The following AEBP2 variants were observed in gnomAD, a reference collection of about 807,000 sequenced individuals.
AEBP2 encodes the protein AE binding protein 2.
AEBP2 carries 10 observed loss-of-function variants against 50.8 expected under a neutral mutation model. The observed-to-expected ratio is 0.20, with a 90% CI of 0.12 to 0.33. The LOEUF is 0.33. AEBP2 is among the 10% of genes least tolerant of loss of function. The pLI is 1.00. For synonymous variants in AEBP2, 296 were observed against 261.3 expected (o/e 1.13, Z -1.28); for missense variants, 570 against 688.0 (o/e 0.83, Z 1.92).
rs148017035 is a variant in AEBP2 at position 19,458,032 on chromosome 12, A to C, written c.672-4478A>C. ...TAGGTGTTCATTGAAAAGGAGAATT[A>C]ACTGTGTGAAAAAATTTAACATATG... On this transcript the variant is annotated intron_variant, in intron 1 of 7. Transcript: ENST00000266508. Among the ~76,000 whole-genome samples, 32 of 152,310 alleles carry C rather than the reference A, an allele frequency of 2.1e-4. No individual in the cohort carries two copies. The East Asian group carries it at 6.2e-3, about 29-fold the overall frequency.
At chr12:19,504,320 C>T (rs954138051) in intron 5 of AEBP2, among the ~76,000 whole-genome samples, 23 of 151,574 alleles carry the variant, frequency 1.5e-4, no homozygotes, top group East Asian at 5.8e-4. Context: ...CTGCAAGCTC[C>T]GCCTCCCAGG....
At chr12:19,474,750 A>G (rs543297331) in intron 3 of AEBP2, among the ~76,000 whole-genome samples, 2 of 151,456 alleles carry the variant, frequency 1.3e-5, no homozygotes, top group Non-Finnish European at 2.9e-5. Flanking sequence ...TTGAAATACT[A>G]TATTGTATAT....
chr12:19,508,860 G>T (rs1446343818), intron 5 of AEBP2: 2 of 208,412 alleles, frequency 9.6e-6, no homozygotes, highest in Non-Finnish European at 2.0e-5. Context: ...TATTTCAAAG[G>T]CTTTCTTCTT....
exon 1 of AEBP2, chr12:19,404,150 G>A (rs2095734778): frequency 6.6e-6 from 1 of 152,216 alleles, no homozygotes; most frequent in Non-Finnish European, 1.5e-5. Context: ...ATCTCACTTG[G>A]GAGCTTCTCT....
intron 1 of AEBP2, among the ~76,000 whole-genome samples, 158 bp from the exon 2 acceptor site, chr12:19,462,352 A>G (rs959083253): frequency 4.6e-5 from 7 of 152,140 alleles, no homozygotes; most frequent in African/African-American, 1.7e-4. Flanking sequence ...CAACTAATTA[A>G]TTTAAAAGCA....
At chr12:19,512,558 A>G (rs899973586) in intron 6 of AEBP2, 93 bp downstream of exon 6, 8 of 879,132 alleles carry the variant, frequency 9.1e-6, no homozygotes, top group Admixed American at 3.0e-5. Context: ...AATTCAAATA[A>G]AAAGAAATTA....
chr12:19,414,519 G>A (rs919124263), intron 1 of AEBP2, among the ~76,000 whole-genome samples: 6 of 152,158 alleles, frequency 3.9e-5, no homozygotes, highest in African/African-American at 1.2e-4. Flanking sequence ...AGGCACCCAG[G>A]ATGCAAAAGC....
chr12:19,443,899 A>C (rs1222292696), intron 1 of AEBP2, among the ~76,000 whole-genome samples: 1 of 152,144 alleles, frequency 6.6e-6, no homozygotes, highest in Non-Finnish European at 1.5e-5. Context: ...AAACCAGTGT[A>C]AGTTTATAGC....
At chr12:19,492,643 G>T (rs1948911814) in intron 3 of AEBP2, among the ~76,000 whole-genome samples, 1 of 151,920 alleles carries the variant, frequency 6.6e-6, no homozygotes, top group Non-Finnish European at 1.5e-5. Flanking sequence ...GTCCGTATGG[G>T]TTTTCATTTG....
chr12:19,450,238 T>C (rs891019397), intron 1 of AEBP2, among the ~76,000 whole-genome samples: 5 of 151,982 alleles, frequency 3.3e-5, no homozygotes, highest in Admixed American at 1.3e-4. Context: ...AAGGAATGTT[T>C]GGAGTTGGAT....
In AEBP2 at chr12:19,505,076, C is replaced by T. The variant is rs142051049; in HGVS notation, c.1299+4855C>T. ...ATCTAAATAAGGATGAAAGAGTTGG[C>T]GGGTAAAATACAGGATTTGGAGACC... On this transcript the variant is annotated intron_variant, in intron 5 of 7. Coordinates refer to ENST00000266508, the MANE Select transcript of AEBP2 (RefSeq NM_153207.5). Among the ~76,000 whole-genome samples the T allele has an allele frequency of 1.5e-3, 229 of 152,186 alleles. 1 individual carries two copies. The highest frequency in any genetic ancestry group is 0.014 in the Middle Eastern group (4 of 294).
chr12:19,460,593 C>A (rs1017947943), intron 1 of AEBP2, among the ~76,000 whole-genome samples: 5 of 151,690 alleles, frequency 3.3e-5, no homozygotes, highest in South Asian at 2.1e-4. Context: ...ACCTTGTGAT[C>A]CACCCACCTC....
At chr12:19,436,317 T>C (rs1947861040), upstream of AEBP2, among the ~76,000 whole-genome samples, 1 of 152,152 alleles carries the variant, frequency 6.6e-6, no homozygotes, top group Admixed American at 6.5e-5. Flanking sequence ...ACCCTTTTCC[T>C]GGAAAACTCA....
chr12:19,445,525 A>T (rs189447746), intron 1 of AEBP2, among the ~76,000 whole-genome samples: 85 of 152,086 alleles, frequency 5.6e-4, no homozygotes, highest in African/African-American at 2.0e-3. Flanking sequence ...CATGCCAGGT[A>T]CTCTTCTAAA....
chr12:19,470,507 A>C (rs1367038179), intron 2 of AEBP2, among the ~76,000 whole-genome samples: 1 of 152,202 alleles, frequency 6.6e-6, no homozygotes, highest in East Asian at 1.9e-4. Context: ...AACACAGTTA[A>C]CTTTGATCTC....
chr12:19,490,161 T>C (rs1948876081), intron 3 of AEBP2, among the ~76,000 whole-genome samples: 1 of 151,926 alleles, frequency 6.6e-6, no homozygotes. Context: ...GATGGTAACA[T>C]TACTCTCTGA....
chr12:19,471,507 G>GTT (rs35003798), intron 2 of AEBP2, among the ~76,000 whole-genome samples: 10 of 147,862 alleles, frequency 6.8e-5, no homozygotes, highest in South Asian at 2.1e-4. Context: ...TAGCATTTAA[G>GTT]TTTTTTTTTT....
chr12:19,434,845 T>C (rs2095753369), upstream of AEBP2, among the ~76,000 whole-genome samples: 1 of 152,226 alleles, frequency 6.6e-6, no homozygotes, highest in Non-Finnish European at 1.5e-5. Context: ...AACTCTCCAG[T>C]GATGGGAAAC....
At chr12:19,464,015 G>A (rs1948426513) in intron 2 of AEBP2, among the ~76,000 whole-genome samples, 1 of 152,116 alleles carries the variant, frequency 6.6e-6, no homozygotes, top group African/African-American at 2.4e-5. Flanking sequence ...ATTATAATGT[G>A]TCAGCAGTTT....
Sources: allele counts gnomAD v4.1 joint callset (sites outside exome capture counted in the v4.1 genomes callset), GRCh38; gene constraint gnomAD v4.1.1; transcripts MANE v1.5; gene names NCBI Gene and HGNC (gene_info 2026-07-23, HGNC 2026-07-21).